The following SERPINB13 variants were observed in gnomAD, a reference collection of about 807,000 sequenced individuals.
The protein encoded by SERPINB13 is serpin family B member 13.
Under a neutral mutation model 31.2 loss-of-function variants are expected in SERPINB13, and 26 were observed. That is an observed-to-expected ratio of 0.83 (90% CI 0.61 to 1.15). The LOEUF (loss-of-function observed/expected upper bound fraction) is 1.15. Ranked by LOEUF, SERPINB13 falls within the 50% of genes most tolerant of loss-of-function variation. SERPINB13 has a pLI of 0.00. For synonymous variants in SERPINB13, 191 were observed against 172.4 expected (o/e 1.11, Z -0.85); for missense variants, 510 against 469.4 (o/e 1.09, Z -0.80).
intron 3 of SERPINB13, 31 bp from the exon 4 acceptor site, chr18:63,592,317 A>T (rs754063668): frequency 6.3e-7 from 1 of 1,596,740 alleles, no homozygotes; most frequent in East Asian, 2.2e-5. Flanking sequence ...TTGCCAAGAT[A>T]ACCTGTTGAG....
chr18:63,592,515 C>A, intron 4 of SERPINB13, 39 bp downstream of exon 4: 1 of 1,601,278 alleles, frequency 6.2e-7, no homozygotes, highest in South Asian at 1.1e-5. Flanking sequence ...GAGTGGTATT[C>A]TGGAATGGCC....
rs1912214096 is a variant in SERPINB13, at chr18:63,597,059, A to C, written c.872A>C (p.Glu291Ala). The stretch of plus-strand genomic sequence containing the variant: ...CTGCACTTGCCCCGGTTTGAGGTGG[A>C]GGACGGTTACGATCTAGAGGCGGTC... The part of the protein sequence containing the change: ...VNLHLPRFEV[E>A]DGYDLEAVLA... The change falls in exon 8 of 8, where the codon GAG (glutamate) becomes GCG (alanine). Residue 291 changes from glutamate to alanine, a missense_variant. Transcript: ENST00000344731. 2 of 1,614,092 alleles carry C rather than the reference A, an allele frequency of 1.2e-6. No homozygotes were observed. Among genetic ancestry groups the C allele is most frequent in the African/African-American group, 2.7e-5 (2 of 74,928 alleles).
chr18:63,592,198 T>C, intron 3 of SERPINB13, 150 bp from the exon 4 acceptor site: 1 of 731,832 alleles, frequency 1.4e-6, no homozygotes, highest in South Asian at 2.5e-5. Context: ...GGGTAAAGGC[T>C]ACCTGATATC....
rs747959497 is a variant in SERPINB13, at chr18:63,597,252, C to T, written c.1065C>T (p.Val355=). 9 of 1,614,240 alleles carry T rather than the reference C, an allele frequency of 5.6e-6. No homozygotes were observed. In the Admixed American group the frequency reaches 1.5e-4, roughly 27 times the overall value. Residue 355 remains valine, a synonymous_variant, in exon 8 of 8, where the codon GTC becomes GTT. Transcript: ENST00000344731. ...AAAATGIGFT[V]TSAPGHENVH... Reference sequence around the variant, plus strand: ...CTGCCACCGGCATAGGCTTTACTGTCACATCCGCCCCAGGTCATGAAAATG... The same window carrying T: ...CTGCCACCGGCATAGGCTTTACTGTTACATCCGCCCCAGGTCATGAAAATG...
chr18:63,594,907 T>G, intron 6 of SERPINB13, 122 bp from the exon 7 acceptor site: 2 of 924,918 alleles, frequency 2.2e-6, no homozygotes, highest in Non-Finnish European at 1.6e-6. Flanking sequence ...ATGCTCATTC[T>G]GAGACTCTGA....
chr18:63,587,381 C>T lies in SERPINB13; in HGVS notation c.-87C>T, dbSNP rs1293828644. On this transcript the variant is annotated 5_prime_UTR_variant, in exon 1 of 8. Coordinates refer to ENST00000344731, the MANE Select transcript of SERPINB13 (RefSeq NM_012397.4). ...ATGTGGAGAACTATAAATTAAGGAT[C>T]CCAGCTACTTAATTGACTTATGCTT... is the stretch of plus-strand genomic sequence containing the variant. 1 of 469,694 alleles carries T rather than the reference C, an allele frequency of 2.1e-6. No individual in the cohort carries two copies. Among genetic ancestry groups the T allele is most frequent in the Admixed American group, 2.4e-5 (1 of 42,152 alleles). The allele number at this position is 469,694 out of a possible 1,614,324, so 29.1% of individuals were successfully genotyped here. A position where few individuals can be genotyped will look rare whatever the true frequency, so the allele number is the denominator to read the frequency against.
intron 5 of SERPINB13, among the ~76,000 whole-genome samples, chr18:63,593,467 A>G (rs916545359): frequency 3.3e-5 from 5 of 152,180 alleles, no homozygotes; most frequent in Admixed American, 6.5e-5. Context: ...GGGGCCACCT[A>G]GTCTTCATCT....
At chr18:63,587,511 T>C (rs1911583088) in intron 1 of SERPINB13, 61 bp downstream of exon 1, 1 of 456,374 alleles carries the variant, frequency 2.2e-6, no homozygotes, top group East Asian at 7.0e-5. Context: ...TGATGTTTGT[T>C]GTTTGAAAGA....
chr18:63,589,402 C>G (rs933949247), intron 2 of SERPINB13, among the ~76,000 whole-genome samples: 1 of 150,232 alleles, frequency 6.7e-6, no homozygotes, highest in Non-Finnish European at 1.5e-5. Flanking sequence ...TTTCAGTGAG[C>G]CAAGATCATG....
rs1018528591 is a variant in SERPINB13, at chr18:63,598,848, C to T, written c.*1485C>T. 12 of 152,300 alleles carry T rather than the reference C, an allele frequency of 7.9e-5. No individual in the cohort carries two copies. The highest frequency in any genetic ancestry group is 2.2e-4 in the African/African-American group (9 of 41,572). The allele number at this position is 152,300 out of a possible 1,614,324, so 9.4% of individuals were successfully genotyped here. ...AAGAAACAGTCAAACTGTTTTCCAACGTGACATTTTATATTCCCACCAGGA... is the reference window on the plus strand; with the variant it reads ...AAGAAACAGTCAAACTGTTTTCCAATGTGACATTTTATATTCCCACCAGGA... On this transcript the variant is annotated 3_prime_UTR_variant, in exon 8 of 8. Coordinates refer to ENST00000344731, the MANE Select transcript of SERPINB13 (RefSeq NM_012397.4).
At chr18:63,591,129 G>A (rs1911825430) in intron 3 of SERPINB13, among the ~76,000 whole-genome samples, 2 of 152,206 alleles carry the variant, frequency 1.3e-5, no homozygotes, top group South Asian at 4.1e-4. Flanking sequence ...CCTTCCTTGA[G>A]CACGCCCCCA....
intron 3 of SERPINB13, chr18:63,590,100 C>T: frequency 5.9e-6 from 1 of 168,174 alleles, no homozygotes; most frequent in East Asian, 1.6e-4. Flanking sequence ...TTCTTTCAGC[C>T]TCTGTAAAGT....
In SERPINB13 at chr18:63,599,031, G is replaced by A. The variant is rs1912349451; in HGVS notation, c.*1668G>A. ...TTGAGCTTTTTTTATGTGCTTATTG[G>A]CCATTTGTTTGACTTTGTTTGGTGA... On this transcript the variant is annotated 3_prime_UTR_variant, in exon 8 of 8. Coordinates refer to ENST00000344731, the MANE Select transcript of SERPINB13 (RefSeq NM_012397.4). The A allele has an allele frequency of 6.6e-6, 1 of 151,838 alleles. No individual in the cohort carries two copies. Among genetic ancestry groups the A allele is most frequent in the South Asian group, 2.1e-4 (1 of 4,818 alleles). 9.4% of individuals were successfully genotyped at this position (151,838 alleles called of 1,614,324 possible). A position where few individuals can be genotyped will look rare whatever the true frequency, so the allele number is the denominator to read the frequency against.
In SERPINB13 at chr18:63,597,707, GTCTC is replaced by G. The variant is rs1912272333; in HGVS notation, c.*348_*351del. On this transcript the variant is annotated 3_prime_UTR_variant, in exon 8 of 8. Transcript: ENST00000344731. The stretch of plus-strand genomic sequence containing the variant: ...GAGTACGAACTAGTAATTTTGGGGG[GTCTC>G]TCTAATTCTGGTATTTTGACATGTT... 5.1e-6 allele frequency: 1 copy of G among 194,864 alleles called. No individual in the cohort carries two copies. The highest frequency in any genetic ancestry group is 5.3e-5 in the Admixed American group (1 of 18,800). The allele number at this position is 194,864 out of a possible 1,614,324, so 12.1% of individuals were successfully genotyped here.
chr18:63,588,987 T>C (rs2144387016), intron 2 of SERPINB13, among the ~76,000 whole-genome samples, 155 bp downstream of exon 2: 1 of 152,280 alleles, frequency 6.6e-6, no homozygotes, highest in East Asian at 1.9e-4. Context: ...TTCAGGTCTA[T>C]CAGGAAAGCC....
At chr18:63,587,487 T>C (rs1228581450) in intron 1 of SERPINB13, 37 bp downstream of exon 1, 1 of 466,528 alleles carries the variant, frequency 2.1e-6, no homozygotes, top group Non-Finnish European at 4.4e-6. Context: ...AAGACCTCTG[T>C]ATTTTGAGAA....
chr18:63,596,342 G>A (rs1203086328), intron 7 of SERPINB13, among the ~76,000 whole-genome samples: 1 of 152,162 alleles, frequency 6.6e-6, no homozygotes, highest in Non-Finnish European at 1.5e-5. Context: ...AAGAAATAAT[G>A]CAGAAGAAAA....
intron 3 of SERPINB13, among the ~76,000 whole-genome samples, chr18:63,592,114 T>A (rs767634010): frequency 6.6e-6 from 1 of 152,184 alleles, no homozygotes; most frequent in Non-Finnish European, 1.5e-5. Context: ...ATGCAAGATC[T>A]GTGGTGTTGG....
intron 7 of SERPINB13, among the ~76,000 whole-genome samples, chr18:63,595,588 T>C (rs1016014539): frequency 1.3e-5 from 2 of 152,142 alleles, no homozygotes; most frequent in Non-Finnish European, 1.5e-5. Context: ...TTTAGTCTCA[T>C]CCATTCTGTG....
Sources: allele counts gnomAD v4.1 joint callset (sites outside exome capture counted in the v4.1 genomes callset), GRCh38; gene constraint gnomAD v4.1.1; transcripts MANE v1.5; gene names NCBI Gene and HGNC (gene_info 2026-07-23, HGNC 2026-07-21).